ARHGAP21: variants seen among roughly 807,000 people sequenced by gnomAD.
ARHGAP21 encodes the protein rho GTPase-activating protein 21.
A neutral mutation model predicts 164.6 loss-of-function variants in ARHGAP21; 38 were observed. That is an observed-to-expected ratio of 0.23 (90% CI 0.18 to 0.30). The LOEUF is 0.30. Ranked by LOEUF, ARHGAP21 falls within the 10% of genes least tolerant of loss-of-function variation. The pLI is 1.00. For missense variants in ARHGAP21, 1,822 were observed against 2,370.7 expected (o/e 0.77, Z 4.81); for synonymous variants, 766 against 857.9 (o/e 0.89, Z 1.87).
Position 24,620,073 on chromosome 10 carries a change from G to A in ARHGAP21, c.1822C>T (p.Pro608Ser), listed in dbSNP as rs776973653. The change falls in exon 9 of 26, where the codon CCT becomes TCT. Residue 608 changes from proline (P) to serine (S), a missense_variant. Pro to Ser is a moderately conservative substitution (Grantham distance 74). Around this residue, in one of 5 missense-constraint regions of ARHGAP21, gnomAD observed 1,090 missense variants for 1,378.9 expected, o/e 0.79. Coordinates refer to ENST00000396432, the MANE Select transcript of ARHGAP21 (RefSeq NM_020824.4). ...NFQTTCGMSL[P>S]RGISQDRSPL... Reference sequence around the variant, plus strand: ...GACCTGTCTTGTGAAATACCCCGAGGCAGTGACATTCCACAAGTAGTCTGA... The same window carrying A: ...GACCTGTCTTGTGAAATACCCCGAGACAGTGACATTCCACAAGTAGTCTGA... 1 of 1,613,926 alleles carries A rather than the reference G, an allele frequency of 6.2e-7. No homozygotes were observed. Among genetic ancestry groups the A allele is most frequent in the Non-Finnish European group, 8.5e-7 (1 of 1,179,854 alleles).
intron 2 of ARHGAP21, among the ~76,000 whole-genome samples, chr10:24,692,361 GA>G (rs1842824502): frequency 6.6e-6 from 1 of 152,144 alleles, no homozygotes; most frequent in African/African-American, 2.4e-5. Flanking sequence ...ATTACGGGGG[GA>G]AAAACTGGTA....
At chr10:24,586,962 C>T (rs2076129506) in intron 25 of ARHGAP21, among the ~76,000 whole-genome samples, 1 of 152,036 alleles carries the variant, frequency 6.6e-6, no homozygotes, top group African/African-American at 2.4e-5. Context: ...ATCACCTGAG[C>T]CTGGGGAAGT....
intron 2 of ARHGAP21, among the ~76,000 whole-genome samples, chr10:24,709,108 C>A (rs986125044): frequency 2.6e-5 from 4 of 152,080 alleles, no homozygotes; most frequent in Non-Finnish European, 5.9e-5. Flanking sequence ...TACAAACGAT[C>A]ATCAAAAACT....
chr10:24,719,072 G>C (rs1194389889), intron 2 of ARHGAP21, among the ~76,000 whole-genome samples: 1 of 148,764 alleles, frequency 6.7e-6, no homozygotes, highest in African/African-American at 2.5e-5. Flanking sequence ...GTTACTCAAG[G>C]ATTGGTGTCA....
At chr10:24,642,387 C>T (rs1316349999) in intron 4 of ARHGAP21, among the ~76,000 whole-genome samples, 2 of 151,364 alleles carry the variant, frequency 1.3e-5, no homozygotes, top group East Asian at 2.0e-4. Flanking sequence ...TGGTAGCGGG[C>T]GCCTGTAGTC....
At chr10:24,659,459 G>A (rs1228073278) in intron 4 of ARHGAP21, among the ~76,000 whole-genome samples, 1 of 152,140 alleles carries the variant, frequency 6.6e-6, no homozygotes, top group East Asian at 1.9e-4. Context: ...GGGATTACAG[G>A]CATGTGCCAC....
At chr10:24,649,393 A>G (rs1373530066) in intron 4 of ARHGAP21, among the ~76,000 whole-genome samples, 1 of 152,366 alleles carries the variant, frequency 6.6e-6, no homozygotes, top group East Asian at 1.9e-4. Context: ...GCCCAAGTCC[A>G]GTTAGGAATC....
chr10:24,660,698 C>G (rs1368863371), intron 4 of ARHGAP21, among the ~76,000 whole-genome samples: 2 of 152,060 alleles, frequency 1.3e-5, no homozygotes, highest in African/African-American at 4.8e-5. Context: ...TTTTTTGCAC[C>G]AAAGAATGAA....
At chr10:24,598,235 G>A (rs556458504) in intron 14 of ARHGAP21, among the ~76,000 whole-genome samples, 3 of 152,164 alleles carry the variant, frequency 2.0e-5, no homozygotes, top group South Asian at 2.1e-4. Context: ...GTATCCATGC[G>A]ATACCTAGGA....
intron 2 of ARHGAP21, among the ~76,000 whole-genome samples, chr10:24,713,830 G>A (rs1478080501): frequency 6.6e-6 from 1 of 152,010 alleles, no homozygotes; most frequent in Non-Finnish European, 1.5e-5. Context: ...TGGATTATTT[G>A]AGAAGCACAA....
Position 24,652,529 on chromosome 10 carries a change from C to T in ARHGAP21, c.268+14456G>A, listed in dbSNP as rs1006425967. Among the ~76,000 whole-genome samples, 10 of 152,146 alleles carry T rather than the reference C, an allele frequency of 6.6e-5. No individual in the cohort carries two copies. The East Asian group carries it at 1.2e-3, about 18-fold the overall frequency. On this transcript the variant is annotated intron_variant, in intron 4 of 25. Coordinates refer to ENST00000396432, the MANE Select transcript of ARHGAP21 (RefSeq NM_020824.4). ...CTTCCCTTTATAGAAATTACTAATA[C>T]GAAACTGAAAGGCAAGTCACAGGTT...
At chr10:24,608,653 C>T (rs1177728558) in intron 9 of ARHGAP21, among the ~76,000 whole-genome samples, 1 of 152,058 alleles carries the variant, frequency 6.6e-6, no homozygotes, top group Non-Finnish European at 1.5e-5. Context: ...GGATGCTGTA[C>T]CATATTATCA....
chr10:24,610,980 CTG>C (rs1388427603), intron 9 of ARHGAP21, among the ~76,000 whole-genome samples: 3 of 152,230 alleles, frequency 2.0e-5, no homozygotes, highest in Non-Finnish European at 2.9e-5. Context: ...TGATTTATAA[CTG>C]TTTTTTCATC....
At chr10:24,692,974 GA>G (rs201300726) in intron 2 of ARHGAP21, among the ~76,000 whole-genome samples, 3 of 149,960 alleles carry the variant, frequency 2.0e-5, no homozygotes, top group Non-Finnish European at 1.5e-5. Flanking sequence ...AATGCTGAGT[GA>G]AAAAAAAACA....
chr10:24,617,436 T>C (rs1458105152), intron 9 of ARHGAP21, among the ~76,000 whole-genome samples: 2 of 152,122 alleles, frequency 1.3e-5, no homozygotes, highest in African/African-American at 4.8e-5. Flanking sequence ...CATAAAACAA[T>C]CATTCGTCAT....
At chr10:24,703,292 C>T (rs939464494) in intron 2 of ARHGAP21, among the ~76,000 whole-genome samples, 1 of 152,132 alleles carries the variant, frequency 6.6e-6, no homozygotes, top group African/African-American at 2.4e-5. Flanking sequence ...CATCTCTTTA[C>T]TTTTAATGTA....
intron 9 of ARHGAP21, among the ~76,000 whole-genome samples, chr10:24,615,059 G>A (rs529948467): frequency 1.2e-4 from 18 of 151,160 alleles, no homozygotes; most frequent in Middle Eastern, 7.0e-3. Context: ...GCATGGTGGT[G>A]CACACCTGTA....
At chr10:24,656,199 T>G (rs1838869970) in intron 4 of ARHGAP21, among the ~76,000 whole-genome samples, 1 of 129,496 alleles carries the variant, frequency 7.7e-6, no homozygotes. Context: ...AGCCGCCCCA[T>G]CCGGGAGGGA....
intron 21 of ARHGAP21, among the ~76,000 whole-genome samples, chr10:24,593,736 A>G (rs1193125526): frequency 6.6e-6 from 1 of 152,232 alleles, no homozygotes; most frequent in Non-Finnish European, 1.5e-5. Context: ...AACATTCAGC[A>G]AAACTGATGA....
Sources: allele counts gnomAD v4.1 joint callset (sites outside exome capture counted in the v4.1 genomes callset), GRCh38; gene constraint gnomAD v4.1.1; regional missense constraint gnomAD v4.1.1; transcripts MANE v1.5; gene names NCBI Gene and HGNC (gene_info 2026-07-23, HGNC 2026-07-21).